The following GRAP2 variants were observed in gnomAD, a reference collection of about 807,000 sequenced individuals.
The protein encoded by GRAP2 is GRB2 related adaptor protein 2.
In GRAP2, 31 loss-of-function variants were observed where a neutral mutation model predicts 43.5. That is an observed-to-expected ratio of 0.71 (90% confidence interval 0.54 to 0.96). GRAP2 has a LOEUF of 0.96. GRAP2 is among the 40% of genes least tolerant of loss of function. GRAP2 has a pLI of 0.00. For missense variants in GRAP2, 371 were observed against 424.4 expected, an observed-to-expected ratio of 0.87 and a Z score of 1.11; for synonymous variants, 156 against 164.8, an observed-to-expected ratio of 0.95 and a Z score of 0.41.
intron 1 of GRAP2, among the ~76,000 whole-genome samples, chr22:39,922,256 C>G (rs2066659378): frequency 6.6e-6 from 1 of 152,054 alleles, no homozygotes. Flanking sequence ...GAAGATGAGG[C>G]CAGGGTACCC....
chr22:39,947,480 G>A (rs778905186), intron 2 of GRAP2: 3 of 386,044 alleles, frequency 7.8e-6, no homozygotes, highest in Admixed American at 3.8e-5. Context: ...ACAGGTGAGG[G>A]AACAAGTGAT....
intron 4 of GRAP2, among the ~76,000 whole-genome samples, chr22:39,965,316 T>G (rs4821918): frequency 1.3e-4 from 20 of 152,218 alleles, no homozygotes; most frequent in Middle Eastern, 6.8e-3. Flanking sequence ...GAGGTTGCAG[T>G]GAGCAGAGAT....
At chr22:39,932,088 G>A (rs991398851) in intron 1 of GRAP2, among the ~76,000 whole-genome samples, 1 of 152,182 alleles carries the variant, frequency 6.6e-6, no homozygotes, top group South Asian at 2.1e-4. Context: ...CGGTTTTCAT[G>A]TAAGAAATCT....
intron 1 of GRAP2, among the ~76,000 whole-genome samples, chr22:39,909,457 A>C (rs533817569): frequency 6.6e-6 from 1 of 152,220 alleles, no homozygotes; most frequent in African/African-American, 2.4e-5. Context: ...TGAAGGGTCA[A>C]TTAGGTGTTA....
intron 1 of GRAP2, among the ~76,000 whole-genome samples, chr22:39,919,730 A>G (rs1286707561): frequency 6.6e-6 from 1 of 152,246 alleles, no homozygotes; most frequent in Non-Finnish European, 1.5e-5. Context: ...ATCTCCTTCA[A>G]TATTTGACAA....
chr22:39,926,510 CA>C, intron 1 of GRAP2: 1 of 677,208 alleles, frequency 1.5e-6, no homozygotes, highest in Non-Finnish European at 1.8e-6. Context: ...AGGAAAAGAG[CA>C]AAAAAGCAAA....
Position 39,967,900 on chromosome 22 carries a change from A to G in GRAP2, c.460-142A>G, listed in dbSNP as rs2067191197. ...GAAAATGTGAAGGTCTAAAGCATCA[A>G]TTATCTTTTAGCTGCCCCCACCCCA... On this transcript the variant is annotated intron_variant, in intron 5 of 7. Transcript: ENST00000344138. 4 of 1,076,046 alleles carry G rather than the reference A, an allele frequency of 3.7e-6. No homozygotes were observed. The South Asian group carries it at 5.3e-5, about 14-fold the overall frequency. The allele number at this position is 1,076,046 out of a possible 1,614,324, so 66.7% of individuals were successfully genotyped here. A position where few individuals can be genotyped will look rare whatever the true frequency, so the allele number is the denominator to read the frequency against.
intron 1 of GRAP2, among the ~76,000 whole-genome samples, chr22:39,924,441 C>G (rs2066680316): frequency 6.6e-6 from 1 of 152,218 alleles, no homozygotes; most frequent in African/African-American, 2.4e-5. Flanking sequence ...TGGCTCATGC[C>G]TGTAATCCCA....
intron 1 of GRAP2, among the ~76,000 whole-genome samples, chr22:39,910,090 CT>C: frequency 6.6e-6 from 1 of 152,320 alleles, no homozygotes; most frequent in Non-Finnish European, 1.5e-5. Flanking sequence ...CTTGTAACCA[CT>C]CCTCCTATGA....
chr22:39,968,870 G>A (rs914869624), intron 6 of GRAP2, among the ~76,000 whole-genome samples: 2 of 152,076 alleles, frequency 1.3e-5, no homozygotes. Context: ...AACCCCCCAC[G>A]CTGCCTTAGT....
In GRAP2 at chr22:39,965,928, A is replaced by G. The variant is rs959853233; in HGVS notation, c.291-62A>G. 7 of 1,322,844 alleles carry G rather than the reference A, an allele frequency of 5.3e-6. No individual in the cohort carries two copies. In the African/African-American group the frequency reaches 1.0e-4, roughly 19 times the overall value. The allele number at this position is 1,322,844 out of a possible 1,614,324, so 81.9% of individuals were successfully genotyped here. A position where few individuals can be genotyped will look rare whatever the true frequency, so the allele number is the denominator to read the frequency against. On this transcript the variant is annotated intron_variant, in intron 4 of 7. Coordinates refer to ENST00000344138, the MANE Select transcript of GRAP2 (RefSeq NM_004810.4). ...GAACTCCACCATCCCAGATGTGAGC[A>G]GCCTGGAGGTGGTGACATTATCACC...
At chr22:39,924,078 A>G (rs2066677231) in intron 1 of GRAP2, among the ~76,000 whole-genome samples, 1 of 152,176 alleles carries the variant, frequency 6.6e-6, no homozygotes, top group Admixed American at 6.5e-5. Context: ...AACCATCTCT[A>G]CTTTCAGGCT....
intron 2 of GRAP2, among the ~76,000 whole-genome samples, chr22:39,953,649 G>T (rs1291645648): frequency 6.6e-6 from 1 of 152,102 alleles, no homozygotes; most frequent in Non-Finnish European, 1.5e-5. Context: ...TCTCTCTGTT[G>T]TCCAGGCTGT....
At chr22:39,945,093 C>T (rs2066908520) in intron 1 of GRAP2, among the ~76,000 whole-genome samples, 1 of 152,332 alleles carries the variant, frequency 6.6e-6, no homozygotes, top group South Asian at 2.1e-4. Flanking sequence ...AGGCATTTAG[C>T]ATTAACTTAG....
At chr22:39,966,605 C>T (rs1489461417) in intron 5 of GRAP2, among the ~76,000 whole-genome samples, 1 of 152,068 alleles carries the variant, frequency 6.6e-6, no homozygotes, top group Non-Finnish European at 1.5e-5. Context: ...TAGGGAACAG[C>T]CTAGAGTTCA....
chr22:39,946,644 G>A (rs768827056), intron 1 of GRAP2, among the ~76,000 whole-genome samples: 39 of 152,252 alleles, frequency 2.6e-4, no homozygotes, highest in Non-Finnish European at 3.8e-4. Context: ...AGAGGAAATG[G>A]CATCCGTCTA....
At chr22:39,937,918 G>C (rs920595590) in intron 1 of GRAP2, among the ~76,000 whole-genome samples, 1 of 152,038 alleles carries the variant, frequency 6.6e-6, no homozygotes, top group Admixed American at 6.6e-5. Context: ...TACTTAAAGA[G>C]AAAGATACTT....
chr22:39,906,508 C>G (rs2066524365), intron 1 of GRAP2, among the ~76,000 whole-genome samples: 1 of 152,000 alleles, frequency 6.6e-6, no homozygotes, highest in Non-Finnish European at 1.5e-5. Context: ...TTACAGAAAG[C>G]TCTCAAGTGT....
At chr22:39,896,580 T>C (rs1460694058), upstream of GRAP2, among the ~76,000 whole-genome samples, 1 of 152,050 alleles carries the variant, frequency 6.6e-6, no homozygotes, top group African/African-American at 2.4e-5. Context: ...GCTAGGTTCA[T>C]AGACTTCAGA....
Sources: allele counts gnomAD v4.1 joint callset (sites outside exome capture counted in the v4.1 genomes callset), GRCh38; gene constraint gnomAD v4.1.1; transcripts MANE v1.5; gene names NCBI Gene and HGNC (gene_info 2026-07-23, HGNC 2026-07-21).